The following C9orf85 variants were observed in gnomAD, a reference collection of about 807,000 sequenced individuals.
The protein encoded by C9orf85 is uncharacterized protein C9orf85.
Under a neutral mutation model 14.9 loss-of-function variants are expected in C9orf85, and 16 were observed. That is an observed-to-expected ratio of 1.08 (90% CI 0.73 to 1.63). The LOEUF is 1.63. C9orf85 is among the 40% of genes most tolerant of loss of function. The probability of loss-of-function intolerance (pLI) is 0.00; values close to 1 mark genes in which losing one functional copy is unlikely to be tolerated. For missense variants in C9orf85, 172 were observed against 186.1 expected (o/e 0.92, Z 0.44); for synonymous variants, 45 against 56.8 (o/e 0.79, Z 0.93).
downstream of C9orf85, among the ~76,000 whole-genome samples, chr9:71,976,548 G>T (rs528828100): frequency 5.9e-5 from 9 of 151,828 alleles, no homozygotes; most frequent in African/African-American, 2.2e-4. Flanking sequence ...TGTAGTCCCA[G>T]CTACTTGCGA....
At position 71,943,091 on chromosome 9, in the gene C9orf85, C is replaced by A. The variant is rs548295084; in HGVS notation, c.103-3915C>A. On this transcript the variant is annotated intron_variant, in intron 1 of 3. Coordinates refer to ENST00000334731, the MANE Select transcript of C9orf85 (RefSeq NM_182505.5). ...ATGATTAAATAAGATATAAAAGTTT[C>A]TATTTCTGGAGTAACATTGTTACAG... Among the ~76,000 whole-genome samples the A allele has an allele frequency of 4.1e-4, 63 of 152,184 alleles. 2 individuals are homozygous for A. In the South Asian group the frequency reaches 0.013, roughly 31 times the overall value.
At chr9:71,935,624 C>T (rs1828169679) in intron 1 of C9orf85, among the ~76,000 whole-genome samples, 1 of 148,536 alleles carries the variant, frequency 6.7e-6, no homozygotes, top group Non-Finnish European at 1.5e-5. Context: ...AGACCCTGCC[C>T]CCCGACCCAA....
At chr9:71,979,000 A>G (rs1373014131) in intron 3 of C9orf85, among the ~76,000 whole-genome samples, 1 of 152,150 alleles carries the variant, frequency 6.6e-6, no homozygotes, top group Admixed American at 6.5e-5. Flanking sequence ...GCATCGCTGC[A>G]CTCCAGCCTG....
chr9:71,918,823 G>T (rs1827721081), intron 1 of C9orf85, among the ~76,000 whole-genome samples: 1 of 151,992 alleles, frequency 6.6e-6, no homozygotes, highest in Non-Finnish European at 1.5e-5. Context: ...CTACATTATG[G>T]TTGTATAATT....
intron 3 of C9orf85, among the ~76,000 whole-genome samples, chr9:71,980,918 A>C (rs958812204): frequency 6.6e-6 from 1 of 152,202 alleles, no homozygotes; most frequent in African/African-American, 2.4e-5. Flanking sequence ...TTTGGAAACA[A>C]TTTTGGAATC....
chr9:71,924,410 A>G (rs1827885720), intron 1 of C9orf85, among the ~76,000 whole-genome samples: 1 of 152,108 alleles, frequency 6.6e-6, no homozygotes, highest in Non-Finnish European at 1.5e-5. Flanking sequence ...TGTATGACGC[A>G]TTTTCTGTTT....
intron 1 of C9orf85, among the ~76,000 whole-genome samples, chr9:71,921,168 C>A (rs574260305): frequency 6.6e-6 from 1 of 152,246 alleles, no homozygotes; most frequent in African/African-American, 2.4e-5. Flanking sequence ...AAATATATTT[C>A]TTTTGACATA....
rs146212159 is a variant in C9orf85, at chr9:71,961,074, G to A, written c.210-10431G>A. On this transcript the variant is annotated intron_variant, in intron 2 of 3. Coordinates refer to ENST00000334731, the MANE Select transcript of C9orf85 (RefSeq NM_182505.5). ...ATTACAGGCATGCGCCACCACACCC[G>A]GCTATTTTTGTATTTTCAGTAGAGA... Among the ~76,000 whole-genome samples, 511 of 151,880 alleles carry A rather than the reference G, an allele frequency of 3.4e-3. 1 individual carries two copies. Among genetic ancestry groups the A allele is most frequent in the African/African-American group, 3.8e-3 (157 of 41,464 alleles).
At chr9:71,979,919 T>G (rs1030619350) in intron 3 of C9orf85, among the ~76,000 whole-genome samples, 2 of 152,216 alleles carry the variant, frequency 1.3e-5, no homozygotes, top group Non-Finnish European at 2.9e-5. Flanking sequence ...CAAATAAATT[T>G]TTAGCATAAT....
At chr9:71,941,567 A>G (rs1297441674) in intron 1 of C9orf85, among the ~76,000 whole-genome samples, 1 of 152,270 alleles carries the variant, frequency 6.6e-6, no homozygotes, top group Non-Finnish European at 1.5e-5. Context: ...GGACAAATCC[A>G]GAATGTAGGA....
At chr9:71,953,970 C>T (rs981107405) in intron 2 of C9orf85, among the ~76,000 whole-genome samples, 3 of 152,094 alleles carry the variant, frequency 2.0e-5, no homozygotes, top group South Asian at 2.1e-4. Context: ...CATGCTGACG[C>T]GCACCTGTGG....
intron 2 of C9orf85, among the ~76,000 whole-genome samples, chr9:71,964,163 A>AG (rs1424395007): frequency 5.3e-5 from 8 of 152,076 alleles, no homozygotes; most frequent in African/African-American, 1.9e-4. Context: ...GACACTCTGT[A>AG]TCTAGCTAAT....
chr9:71,913,765 A>ACTTGTACTTTTCATTGTGCATTT (rs534853792), intron 1 of C9orf85, among the ~76,000 whole-genome samples: 3,722 of 152,140 alleles, frequency 0.024, 64 homozygotes, highest in Non-Finnish European at 0.038. Context: ...AGCTTCTCCT[A>ACTTGTACTTTTCATTGTGCATTT]CTTGTACTTT....
intron 1 of C9orf85, among the ~76,000 whole-genome samples, chr9:71,916,494 A>G (rs1268473288): frequency 6.6e-6 from 1 of 152,156 alleles, no homozygotes; most frequent in Non-Finnish European, 1.5e-5. Flanking sequence ...TTATTCAACC[A>G]AAACTTGCTT....
At chr9:71,945,575 T>C (rs1226252283) in intron 1 of C9orf85, among the ~76,000 whole-genome samples, 1 of 152,238 alleles carries the variant, frequency 6.6e-6, no homozygotes, top group East Asian at 1.9e-4. Context: ...TATTCACAGC[T>C]TAATTTATGG....
At chr9:71,966,801 G>T (rs766536379) in intron 2 of C9orf85, among the ~76,000 whole-genome samples, 1 of 152,202 alleles carries the variant, frequency 6.6e-6, no homozygotes, top group Non-Finnish European at 1.5e-5. Flanking sequence ...CCTCACAGGT[G>T]GTAGCCCCAC....
At chr9:71,982,032 C>T (rs949010054) in intron 3 of C9orf85, among the ~76,000 whole-genome samples, 1 of 152,166 alleles carries the variant, frequency 6.6e-6, no homozygotes, top group African/African-American at 2.4e-5. Context: ...AAAATGATCC[C>T]TCATGCTCAT....
At position 71,973,413 on chromosome 9, in the gene C9orf85, A is replaced by C. The variant is rs1822942262; in HGVS notation, c.*571A>C. 6.6e-6 allele frequency: 1 copy of C among 152,222 alleles called. No individual in the cohort carries two copies. Among genetic ancestry groups the C allele is most frequent in the African/African-American group, 2.4e-5 (1 of 41,450 alleles). The allele number at this position is 152,222 out of a possible 1,614,324, so 9.4% of individuals were successfully genotyped here. The stretch of plus-strand genomic sequence containing the variant: ...TTGCCTCAAAAATTGGTCCTCGGTA[A>C]GTGCCTTTTGATAAATGATCTCAAA... On this transcript the variant is annotated 3_prime_UTR_variant, in exon 4 of 4. Transcript: ENST00000334731.
chr9:71,933,216 A>T (rs1044231321), intron 1 of C9orf85, among the ~76,000 whole-genome samples: 3 of 152,238 alleles, frequency 2.0e-5, no homozygotes, highest in Non-Finnish European at 4.4e-5. Context: ...ATACTGCCTG[A>T]AAACTTCCCA....
Sources: allele counts gnomAD v4.1 joint callset (sites outside exome capture counted in the v4.1 genomes callset), GRCh38; gene constraint gnomAD v4.1.1; transcripts MANE v1.5; gene names NCBI Gene and HGNC (gene_info 2026-07-23, HGNC 2026-07-21).